FBXL2: variants seen among roughly 807,000 people sequenced by gnomAD.
FBXL2 encodes the protein F-box and leucine rich repeat protein 2, also known as F-box/LRR-repeat protein 2.
Under a neutral mutation model 69.2 loss-of-function variants are expected in FBXL2, and 38 were observed. The ratio of observed to expected loss-of-function variants is 0.55; its 90% CI spans 0.42 to 0.72. The LOEUF is 0.72. FBXL2 is among the 30% of genes least tolerant of loss of function. The pLI, the probability that FBXL2 is intolerant of heterozygous loss-of-function variation, is 0.00. For missense variants in FBXL2, 354 were observed against 520.3 expected (o/e 0.68, Z 3.11); for synonymous variants, 192 against 201.3 (o/e 0.95, Z 0.39).
At chr3:33,409,122 ATGTCAAAC>A in the FBXL2 span, 15 of 991,466 alleles carry the variant, frequency 1.5e-5, no homozygotes, top group Admixed American at 2.2e-5. Flanking sequence ...AGAGAATAAC[ATGTCAAAC>A]TGCCACCCAA....
chr3:33,280,713 C>CAAAA (rs34093056), intron 1 of FBXL2, among the ~76,000 whole-genome samples: 100 of 81,164 alleles, frequency 1.2e-3, no homozygotes, highest in East Asian at 3.0e-3. Context: ...GCCCTGTATC[C>CAAAA]AAAAAAAAAA....
At chr3:33,411,008 G>A in the FBXL2 span, among the ~76,000 whole-genome samples, 1 of 150,004 alleles carries the variant, frequency 6.7e-6, no homozygotes, top group African/African-American at 2.5e-5. Context: ...GGGAGGCGGA[G>A]ATTGCAGTGA....
intron 1 of FBXL2, among the ~76,000 whole-genome samples, chr3:33,294,297 A>G (rs769001880): frequency 2.0e-5 from 3 of 151,790 alleles, no homozygotes; most frequent in African/African-American, 2.4e-5. Flanking sequence ...GGGTCTCACT[A>G]TGTTGCCCAG....
the FBXL2 span, chr3:33,409,393 A>G: frequency 6.2e-7 from 1 of 1,613,892 alleles, no homozygotes; most frequent in East Asian, 2.2e-5. Context: ...GCAGACACAC[A>G]GCTTTACAGG....
the FBXL2 span, chr3:33,412,796 C>T: frequency 2.5e-6 from 4 of 1,613,958 alleles, no homozygotes; most frequent in South Asian, 2.2e-5. Context: ...GTATTGTAGC[C>T]GTCTGTCATG....
chr3:33,360,974 C>T (rs2041580028), intron 4 of FBXL2, among the ~76,000 whole-genome samples: 1 of 139,198 alleles, frequency 7.2e-6, no homozygotes, highest in African/African-American at 2.7e-5. Flanking sequence ...CTCTGTCACC[C>T]AGGCTGGAGT....
At chr3:33,366,109 T>G (rs1209061774) in intron 5 of FBXL2, among the ~76,000 whole-genome samples, 1 of 152,244 alleles carries the variant, frequency 6.6e-6, no homozygotes, top group Non-Finnish European at 1.5e-5. Flanking sequence ...TGAAGAAAAT[T>G]CTTTAAATCA....
intron 2 of FBXL2, among the ~76,000 whole-genome samples, chr3:33,328,943 AC>A (rs756215553): frequency 7.9e-5 from 12 of 152,114 alleles, no homozygotes; most frequent in Non-Finnish European, 1.8e-4. Flanking sequence ...TGAAGAGACA[AC>A]CCACAGAATG....
chr3:33,411,570 A>G, the FBXL2 span: 1 of 1,613,164 alleles, frequency 6.2e-7, no homozygotes, highest in Non-Finnish European at 8.5e-7. Context: ...TAATAATGTA[A>G]AAATCCAAAC....
chr3:33,333,957 G>A (rs370281882), intron 2 of FBXL2, among the ~76,000 whole-genome samples: 1 of 152,012 alleles, frequency 6.6e-6, no homozygotes, highest in Non-Finnish European at 1.5e-5. Flanking sequence ...AAGGGTTTGG[G>A]TATTGAGCCA....
At chr3:33,399,337 C>A (rs2044132658) in intron 12 of FBXL2, among the ~76,000 whole-genome samples, 1 of 152,196 alleles carries the variant, frequency 6.6e-6, no homozygotes, top group African/African-American at 2.4e-5. Context: ...TCCTATAGCA[C>A]TACCTGGAGA....
chr3:33,328,200 G>A (rs1009266347), intron 2 of FBXL2, among the ~76,000 whole-genome samples: 1 of 152,094 alleles, frequency 6.6e-6, no homozygotes, highest in Admixed American at 6.6e-5. Flanking sequence ...AGAAATTGAA[G>A]TGGACACCAA....
At chr3:33,339,184 A>G (rs1459792025) in intron 2 of FBXL2, among the ~76,000 whole-genome samples, 6 of 152,260 alleles carry the variant, frequency 3.9e-5, no homozygotes, top group Non-Finnish European at 7.3e-5. Context: ...AAAAAAGCCC[A>G]ACATCATTAA....
At chr3:33,358,384 C>G (rs957646542) in intron 2 of FBXL2, among the ~76,000 whole-genome samples, 4 of 152,236 alleles carry the variant, frequency 2.6e-5, no homozygotes, top group African/African-American at 9.6e-5. Flanking sequence ...TAAGGCATTA[C>G]TGATGCCAAC....
chr3:33,350,878 T>C (rs2040783233), intron 2 of FBXL2, among the ~76,000 whole-genome samples: 2 of 152,116 alleles, frequency 1.3e-5, no homozygotes, highest in South Asian at 2.1e-4. Flanking sequence ...AAGATATACA[T>C]TGGAAAGAGA....
downstream of FBXL2, among the ~76,000 whole-genome samples, chr3:33,405,828 CTG>C (rs147717078): frequency 9.2e-3 from 1,395 of 152,214 alleles, 18 homozygotes; most frequent in African/African-American, 0.031. Flanking sequence ...AGCTAAGAAA[CTG>C]TGAAGCACAC....
intron 1 of FBXL2, among the ~76,000 whole-genome samples, chr3:33,282,000 T>A (rs1246182734): frequency 1.3e-5 from 2 of 152,218 alleles, no homozygotes; most frequent in African/African-American, 4.8e-5. Context: ...GTAGGTTGCC[T>A]GTTCACTCTG....
At position 33,387,764 on chromosome 3, in the gene FBXL2, C is replaced by G. The variant is rs1429249184; in HGVS notation, c.*2156C>G. 2 of 151,828 alleles carry G rather than the reference C, an allele frequency of 1.3e-5. No homozygotes were observed. The highest frequency in any genetic ancestry group is 2.9e-5 in the Non-Finnish European group (2 of 68,020). The allele number at this position is 151,828 out of a possible 1,614,324, so 9.4% of individuals were successfully genotyped here. A position where few individuals can be genotyped will look rare whatever the true frequency, so the allele number is the denominator to read the frequency against. On this transcript the variant is annotated 3_prime_UTR_variant, in exon 15 of 15. Transcript: ENST00000484457. ...CCTCATTTACAAAACAGGAGAACCTCTTGTAAGAAAATCAGGTTTGCAGGC... is the reference window on the plus strand; with the variant it reads ...CCTCATTTACAAAACAGGAGAACCTGTTGTAAGAAAATCAGGTTTGCAGGC...
At chr3:33,339,752 C>G (rs941521455) in intron 2 of FBXL2, among the ~76,000 whole-genome samples, 1 of 152,106 alleles carries the variant, frequency 6.6e-6, no homozygotes, top group Non-Finnish European at 1.5e-5. Flanking sequence ...ACTCTCCAAC[C>G]CTTTAGTCTA....
Sources: allele counts gnomAD v4.1 joint callset (sites outside exome capture counted in the v4.1 genomes callset), GRCh38; gene constraint gnomAD v4.1.1; transcripts MANE v1.5; gene names NCBI Gene and HGNC (gene_info 2026-07-23, HGNC 2026-07-21).